The following KCNN2 variants were observed in gnomAD, a reference collection of about 807,000 sequenced individuals.
KCNN2 encodes the protein potassium calcium-activated channel subfamily N member 2.
A neutral mutation model predicts 55.5 loss-of-function variants in KCNN2; 24 were observed. The ratio of observed to expected loss-of-function variants is 0.43; its 90% CI spans 0.31 to 0.61. The LOEUF is 0.61. KCNN2 is among the 20% of genes least tolerant of loss of function. KCNN2 has a pLI of 0.08. For synonymous variants in KCNN2, 431 were observed against 336.1 expected (o/e 1.28, Z -3.09); for missense variants, 754 against 853.6 (o/e 0.88, Z 1.45).
intron 1 of KCNN2, among the ~76,000 whole-genome samples, chr5:114,204,220 C>CG (rs1753726617): frequency 3.3e-5 from 5 of 151,998 alleles, no homozygotes; most frequent in Non-Finnish European, 5.9e-5. Context: ...TTAAAATATG[C>CG]ATGTCACCTT....
At chr5:114,081,181 T>C (rs752724104) in intron 1 of KCNN2, among the ~76,000 whole-genome samples, 4 of 152,164 alleles carry the variant, frequency 2.6e-5, no homozygotes, top group Non-Finnish European at 4.4e-5. Flanking sequence ...CTTATGCTCA[T>C]GGATTAGAAG....
At chr5:114,389,964 A>G (rs1561602569) in intron 2 of KCNN2, among the ~76,000 whole-genome samples, 1 of 152,158 alleles carries the variant, frequency 6.6e-6, no homozygotes, top group African/African-American at 2.4e-5. Context: ...CTTTAGCTTC[A>G]GGTTTTTCAA....
intron 3 of KCNN2, among the ~76,000 whole-genome samples, chr5:114,437,183 T>C (rs190111738): frequency 2.0e-5 from 3 of 152,256 alleles, no homozygotes; most frequent in Admixed American, 2.0e-4. Context: ...TGGATATATA[T>C]ATAGAATCTG....
At chr5:114,462,519 G>A (rs1209333880) in intron 3 of KCNN2, among the ~76,000 whole-genome samples, 2 of 152,150 alleles carry the variant, frequency 1.3e-5, no homozygotes, top group Non-Finnish European at 2.9e-5. Flanking sequence ...GATACTCAGG[G>A]AGCACAGGGG....
At chr5:114,062,317 G>A (rs1750349543) in intron 1 of KCNN2, among the ~76,000 whole-genome samples, 1 of 152,172 alleles carries the variant, frequency 6.6e-6, no homozygotes, top group African/African-American at 2.4e-5. Flanking sequence ...TGCCAGACAT[G>A]CAGTGCAGCA....
intron 4 of KCNN2, among the ~76,000 whole-genome samples, chr5:114,470,419 C>CAT (rs1347319962): frequency 6.6e-6 from 1 of 152,156 alleles, no homozygotes; most frequent in Non-Finnish European, 1.5e-5. Context: ...TACCTAGGAG[C>CAT]ATATCTACAA....
chr5:114,136,792 T>C (rs1752182824), intron 1 of KCNN2, among the ~76,000 whole-genome samples: 1 of 152,206 alleles, frequency 6.6e-6, no homozygotes, highest in African/African-American at 2.4e-5. Flanking sequence ...TGTGATAGTT[T>C]CCATAAAGCA....
intron 2 of KCNN2, among the ~76,000 whole-genome samples, chr5:114,340,653 GGTGTGTGTGTGTGCATGT>G (rs1756999306): frequency 1.8e-5 from 2 of 113,938 alleles, no homozygotes; most frequent in East Asian, 6.8e-4. Context: ...ACACCATTAT[GGTGTGTGTGTGTGCATGT>G]GTGTGTGTGT....
intron 2 of KCNN2, among the ~76,000 whole-genome samples, chr5:114,276,806 C>A (rs1387257970): frequency 2.0e-5 from 3 of 151,994 alleles, no homozygotes; most frequent in African/African-American, 7.2e-5. Context: ...TTGTCAGTGT[C>A]TTTTGATTGG....
chr5:114,352,909 T>A (rs1757235595), intron 2 of KCNN2, among the ~76,000 whole-genome samples: 1 of 151,882 alleles, frequency 6.6e-6, no homozygotes. Flanking sequence ...GTACAGTTGG[T>A]TTATACTGCT....
chr5:114,261,390 G>A lies in KCNN2; in HGVS notation c.-185+39825G>A, dbSNP rs149556579. ...ACCTCAGCTTTGCCCTATTCCTACC[G>A]CCTACTCACCCCTTAGTTCAGGCAC... On this transcript the variant is annotated intron_variant, in intron 2 of 10. Coordinates refer to the KCNN2 transcript ENST00000512097. Among the ~76,000 whole-genome samples, 430 of 152,146 alleles carry A rather than the reference G, an allele frequency of 2.8e-3. 2 individuals carry two copies. Among genetic ancestry groups the A allele is most frequent in the African/African-American group, 9.9e-3 (411 of 41,500 alleles).
intron 1 of KCNN2, among the ~76,000 whole-genome samples, chr5:114,166,712 A>C (rs1406393179): frequency 6.6e-6 from 1 of 152,110 alleles, no homozygotes; most frequent in Non-Finnish European, 1.5e-5. Flanking sequence ...GATGTTTGCT[A>C]TGGGCTGAAT....
intron 1 of KCNN2, among the ~76,000 whole-genome samples, chr5:114,084,497 T>C (rs1210334667): frequency 6.6e-6 from 1 of 152,090 alleles, no homozygotes; most frequent in African/African-American, 2.4e-5. Context: ...CAGATCTTTT[T>C]CTTATTTTTA....
At chr5:114,086,607 G>T (rs114181843) in intron 1 of KCNN2, among the ~76,000 whole-genome samples, 3 of 152,002 alleles carry the variant, frequency 2.0e-5, no homozygotes, top group South Asian at 2.1e-4. Context: ...TGCAAAGGAC[G>T]TAATCTAATT....
chr5:114,219,911 C>A (rs1203564196), intron 1 of KCNN2, among the ~76,000 whole-genome samples: 1 of 152,186 alleles, frequency 6.6e-6, no homozygotes, highest in African/African-American at 2.4e-5. Flanking sequence ...CATCAGCATA[C>A]TTTTTCTGTG....
chr5:114,318,961 C>T (rs1756558379), intron 2 of KCNN2, among the ~76,000 whole-genome samples: 1 of 149,904 alleles, frequency 6.7e-6, no homozygotes, highest in Admixed American at 6.8e-5. Flanking sequence ...AACTGAGGCT[C>T]AAAGATACTG....
intron 2 of KCNN2, among the ~76,000 whole-genome samples, chr5:114,296,220 A>C (rs1439459429): frequency 6.6e-6 from 1 of 152,198 alleles, no homozygotes; most frequent in African/African-American, 2.4e-5. Flanking sequence ...AGGGAGAATG[A>C]GTAACCTCTT....
At chr5:114,464,711 C>T (rs931204602) in intron 4 of KCNN2, among the ~76,000 whole-genome samples, 3 of 151,986 alleles carry the variant, frequency 2.0e-5, no homozygotes, top group African/African-American at 7.3e-5. Flanking sequence ...AACAAGATGG[C>T]CATTTCAAGT....
At chr5:114,086,773 T>A (rs1358824067) in intron 1 of KCNN2, among the ~76,000 whole-genome samples, 1 of 152,134 alleles carries the variant, frequency 6.6e-6, no homozygotes, top group African/African-American at 2.4e-5. Context: ...GATAGAATGA[T>A]TTGTTTTCTT....
Sources: gnomAD v4.1 joint callset for allele counts (sites outside exome capture counted in the v4.1 genomes callset) on GRCh38, gnomAD v4.1.1 for gene constraint, MANE v1.5 for transcripts, NCBI Gene and HGNC (gene_info 2026-07-23, HGNC 2026-07-21) for gene names.